VWA3B: variants seen among roughly 807,000 people sequenced by gnomAD.
The protein encoded by VWA3B is von Willebrand factor A domain-containing protein 3B.
A neutral mutation model predicts 158.3 loss-of-function variants in VWA3B; 138 were observed. The observed-to-expected ratio is 0.87, with a 90% CI of 0.76 to 1.00. VWA3B has a LOEUF of 1.00. Ranked by LOEUF, VWA3B falls within the 50% of genes least tolerant of loss-of-function variation. VWA3B has a pLI of 0.00. For synonymous variants in VWA3B, 596 were observed against 587.3 expected (o/e 1.01, Z -0.21); for missense variants, 1,555 against 1,565.1 (o/e 0.99, Z 0.11).
chr2:98,321,112 C>A, the VWA3B span, among the ~76,000 whole-genome samples: 4 of 152,240 alleles, frequency 2.6e-5, no homozygotes, highest in African/African-American at 9.7e-5. Flanking sequence ...TCAGAGGATG[C>A]AAGCACCAAA....
chr2:98,128,153 G>C lies in VWA3B; in HGVS notation c.703-86G>C, dbSNP rs145804735. 5 of 1,489,648 alleles carry C rather than the reference G, an allele frequency of 3.4e-6. No individual in the cohort carries two copies. In the African/African-American group the frequency reaches 7.0e-5, roughly 21 times the overall value. The allele number at this position is 1,489,648 out of a possible 1,614,324, so 92.3% of individuals were successfully genotyped here. ...TTCTGCCCATTTTTTCTAAGAGATC[G>C]TTTTGTAGAATGGGTATTACTGATG... On this transcript the variant is annotated intron_variant, in intron 5 of 27. Coordinates refer to ENST00000477737, the MANE Select transcript of VWA3B (RefSeq NM_144992.5).
chr2:98,196,967 G>C (rs1682101664), intron 12 of VWA3B, among the ~76,000 whole-genome samples: 1 of 152,110 alleles, frequency 6.6e-6, no homozygotes, highest in East Asian at 1.9e-4. Flanking sequence ...ATAAAACTAA[G>C]ACATTCACAT....
At chr2:98,187,222 G>A (rs953931615) in intron 9 of VWA3B, among the ~76,000 whole-genome samples, 4 of 152,028 alleles carry the variant, frequency 2.6e-5, no homozygotes, top group Non-Finnish European at 1.5e-5. Context: ...CTTCCTCCAC[G>A]TGTCATCCTC....
At chr2:98,092,816 G>GTATGTATATATATA (rs1553633938) in intron 1 of VWA3B, among the ~76,000 whole-genome samples, 2 of 51,500 alleles carry the variant, frequency 3.9e-5, no homozygotes, top group African/African-American at 5.7e-5. Flanking sequence ...AGATGTTTTT[G>GTATGTATATATATA]TATATATATA....
At chr2:98,135,019 A>G (rs937700914) in intron 7 of VWA3B, among the ~76,000 whole-genome samples, 1 of 152,184 alleles carries the variant, frequency 6.6e-6, no homozygotes, top group African/African-American at 2.4e-5. Flanking sequence ...AATTCGAGAA[A>G]ATGCCAACAT....
chr2:98,281,154 A>T (rs1688856203), intron 22 of VWA3B, among the ~76,000 whole-genome samples: 1 of 152,164 alleles, frequency 6.6e-6, no homozygotes, highest in African/African-American at 2.4e-5. Context: ...AGGGATGCAG[A>T]GTCTGGATAC....
chr2:98,223,618 C>T (rs998192051), intron 14 of VWA3B, among the ~76,000 whole-genome samples: 1 of 152,200 alleles, frequency 6.6e-6, no homozygotes, highest in African/African-American at 2.4e-5. Context: ...GCAGATTTGA[C>T]AGCAGACTTC....
rs956846310 is a variant in VWA3B at position 98,230,592 on chromosome 2, C to A, written c.2308+385C>A. ...CACGTGTATAGGTTTGTGTTTCCAC[C>A]ACTACAGTCAAGATACAGAAGAGTC... On this transcript the variant is annotated intron_variant, in intron 16 of 27. Transcript: ENST00000477737. Among the ~76,000 whole-genome samples the A allele has an allele frequency of 3.3e-5, 5 of 152,004 alleles. No homozygotes were observed. In the East Asian group the frequency reaches 9.6e-4, roughly 29 times the overall value.
chr2:98,268,401 A>C (rs1028228718), intron 21 of VWA3B, among the ~76,000 whole-genome samples: 3 of 152,120 alleles, frequency 2.0e-5, no homozygotes, highest in Non-Finnish European at 4.4e-5. Flanking sequence ...CAAATCAATA[A>C]AATCTATTCT....
intron 3 of VWA3B, 147 bp downstream of exon 3, chr2:98,115,893 G>C: frequency 1.7e-6 from 1 of 588,136 alleles, no homozygotes; most frequent in Non-Finnish European, 2.9e-6. Context: ...TTTTGGCATT[G>C]ATAGGGTGAT....
At chr2:98,169,100 AAC>A (rs1429105119) in intron 8 of VWA3B, among the ~76,000 whole-genome samples, 1 of 152,208 alleles carries the variant, frequency 6.6e-6, no homozygotes, top group African/African-American at 2.4e-5. Context: ...CCAGAACAAC[AAC>A]AAAAAAGATA....
chr2:98,275,841 AGTGGGTAGAAGG>A, intron 22 of VWA3B, among the ~76,000 whole-genome samples: 1 of 152,332 alleles, frequency 6.6e-6, no homozygotes, highest in Non-Finnish European at 1.5e-5. Flanking sequence ...GCCAATTTGC[AGTGGGTAGAAGG>A]GTGGGTAGAA....
At chr2:98,130,055 T>C (rs1383678784) in intron 6 of VWA3B, among the ~76,000 whole-genome samples, 1 of 152,186 alleles carries the variant, frequency 6.6e-6, no homozygotes, top group East Asian at 1.9e-4. Flanking sequence ...GTTCCCTTAG[T>C]ATTTATTGAT....
At chr2:98,255,170 C>T (rs1449375298) in intron 20 of VWA3B, among the ~76,000 whole-genome samples, 6 of 146,380 alleles carry the variant, frequency 4.1e-5, no homozygotes, top group African/African-American at 1.0e-4. Flanking sequence ...CCCGCCACCA[C>T]GCCCGGCTGA....
chr2:98,275,464 G>A (rs992421804), intron 22 of VWA3B, among the ~76,000 whole-genome samples: 1 of 150,422 alleles, frequency 6.6e-6, no homozygotes, highest in Non-Finnish European at 1.5e-5. Flanking sequence ...GAGGCCCGGG[G>A]TAGAGAGCCA....
At chr2:98,213,490 C>T (rs79236680) in intron 13 of VWA3B, among the ~76,000 whole-genome samples, 68 of 152,110 alleles carry the variant, frequency 4.5e-4, no homozygotes, top group African/African-American at 1.6e-3. Context: ...TGCCTCCAGA[C>T]GTGAGCCGCA....
chr2:98,305,761 T>A (rs1361434386), intron 26 of VWA3B, among the ~76,000 whole-genome samples: 1 of 152,064 alleles, frequency 6.6e-6, no homozygotes, highest in Non-Finnish European at 1.5e-5. Flanking sequence ...GTTGCAGGCA[T>A]CCTAACTGGC....
At chr2:98,250,505 G>T (rs1574198245) in intron 20 of VWA3B, 69 bp downstream of exon 20, 119 of 1,085,774 alleles carry the variant, frequency 1.1e-4, no homozygotes, top group South Asian at 3.8e-4. Flanking sequence ...GACTTCTCTT[G>T]TTTTAGCTTA....
At chr2:98,249,774 C>G (rs1274017386) in intron 19 of VWA3B, among the ~76,000 whole-genome samples, 3 of 152,070 alleles carry the variant, frequency 2.0e-5, no homozygotes, top group Non-Finnish European at 4.4e-5. Context: ...CCATTGCACT[C>G]CAGCCTGGGC....
Sources: gnomAD v4.1 joint callset for allele counts (sites outside exome capture counted in the v4.1 genomes callset) on GRCh38, gnomAD v4.1.1 for gene constraint, MANE v1.5 for transcripts, NCBI Gene and HGNC (gene_info 2026-07-23, HGNC 2026-07-21) for gene names.